The following AUTS2 variants were observed in gnomAD, a reference collection of about 807,000 sequenced individuals.
AUTS2 encodes the protein autism susceptibility gene 2 protein.
In AUTS2, 17 loss-of-function variants were observed where a neutral mutation model predicts 112.4. The ratio of observed to expected loss-of-function variants is 0.15; its 90% CI spans 0.10 to 0.23. The LOEUF (loss-of-function observed/expected upper bound fraction) is 0.23. Ranked by LOEUF, AUTS2 falls within the 10% of genes least tolerant of loss-of-function variation. The probability of loss-of-function intolerance (pLI) is 1.00; values close to 1 mark genes in which losing one functional copy is unlikely to be tolerated. For missense variants in AUTS2, 1,510 were observed against 1,701.6 expected, an observed-to-expected ratio of 0.89 and a Z score of 1.98; for synonymous variants, 751 against 702.7, an observed-to-expected ratio of 1.07 and a Z score of -1.09.
In AUTS2 at chr7:70,246,471, G is replaced by T. The variant is rs528091980; in HGVS notation, c.660+111900G>T. Among the ~76,000 whole-genome samples the T allele has an allele frequency of 1.2e-4, 19 of 152,176 alleles. No individual in the cohort carries two copies. In the South Asian group the frequency reaches 3.7e-3, roughly 30 times the overall value. ...ATTTTAAAAGTTTCTTCATCTCTCA[G>T]TGATCTGATGGACCAACTGTCATAA... On this transcript the variant is annotated intron_variant, in intron 4 of 18. Transcript: ENST00000342771.
chr7:69,854,101 A>G (rs1391254661), intron 1 of AUTS2, among the ~76,000 whole-genome samples: 1 of 152,098 alleles, frequency 6.6e-6, no homozygotes, highest in Non-Finnish European at 1.5e-5. Context: ...ATTTTACTCA[A>G]ACTTATGCTT....
Position 69,818,889 on chromosome 7 carries a change from T to G in AUTS2, c.310-80397T>G, listed in dbSNP as rs1790871583. On this transcript the variant is annotated intron_variant, in intron 1 of 18. Transcript: ENST00000342771. ...ATAAGATATTTATCGCCTCATGGGC[T>G]CTCTGTTTGGGGGTTACCACTTCAG... 2.0e-5 allele frequency among the ~76,000 whole-genome samples: 3 copies of G among 152,234 alleles called. No homozygotes were observed. In the South Asian group the frequency reaches 6.2e-4, roughly 31 times the overall value.
intron 1 of AUTS2, among the ~76,000 whole-genome samples, chr7:69,774,882 A>G (rs1024639930): frequency 5.5e-4 from 83 of 152,242 alleles, no homozygotes; most frequent in African/African-American, 2.0e-3. Context: ...GGAACTCCTG[A>G]TATCTCCAGA....
intron 1 of AUTS2, among the ~76,000 whole-genome samples, chr7:69,865,724 T>A (rs927146777): frequency 1.3e-5 from 2 of 152,224 alleles, no homozygotes; most frequent in Admixed American, 6.5e-5. Context: ...CCTATTTTGC[T>A]GTCTCTTCGA....
intron 1 of AUTS2, among the ~76,000 whole-genome samples, chr7:69,785,022 T>C (rs114395018): frequency 2.0e-5 from 3 of 151,722 alleles, no homozygotes; most frequent in Non-Finnish European, 4.4e-5. Context: ...TGATAAATAC[T>C]ATGAAAGGAA....
chr7:69,780,214 G>T (rs1789087797), intron 1 of AUTS2, among the ~76,000 whole-genome samples: 1 of 152,192 alleles, frequency 6.6e-6, no homozygotes, highest in East Asian at 1.9e-4. Context: ...GATTTTAGTT[G>T]CTATTAAATT....
chr7:70,457,854 T>C lies in AUTS2; in HGVS notation c.690+22073T>C, dbSNP rs118032574. 3.2e-4 allele frequency among the ~76,000 whole-genome samples: 49 copies of C among 152,350 alleles called. No individual in the cohort carries two copies. In the East Asian group the frequency reaches 8.3e-3, roughly 26 times the overall value. Reference sequence around the variant, plus strand: ...CCCTTCAGAATCTTCTGAGCCGTTTTGTTGAACAGTGCTTTTTTGTTACTT... The same window carrying C: ...CCCTTCAGAATCTTCTGAGCCGTTTCGTTGAACAGTGCTTTTTTGTTACTT... On this transcript the variant is annotated intron_variant, in intron 5 of 18. Coordinates refer to ENST00000342771, the MANE Select transcript of AUTS2 (RefSeq NM_015570.4).
chr7:70,369,037 C>T (rs1792718495), intron 4 of AUTS2, among the ~76,000 whole-genome samples: 1 of 152,260 alleles, frequency 6.6e-6, no homozygotes, highest in African/African-American at 2.4e-5. Flanking sequence ...TTTCTTAGTT[C>T]AGCTTAAAAT....
chr7:70,458,068 T>G (rs1445346424), intron 5 of AUTS2, among the ~76,000 whole-genome samples: 1 of 152,076 alleles, frequency 6.6e-6, no homozygotes, highest in African/African-American at 2.4e-5. Context: ...GGGTGTTACT[T>G]AGTAAACATG....
intron 1 of AUTS2, among the ~76,000 whole-genome samples, chr7:69,600,796 CTAGCTGCTATCTGAA>C: frequency 6.6e-6 from 1 of 152,062 alleles, no homozygotes; most frequent in East Asian, 1.9e-4. Context: ...GAATAAAATC[CTAGCTGCTATCTGAA>C]GGGCTTGTCA....
chr7:70,725,530 G>A (rs1331227999), intron 6 of AUTS2, among the ~76,000 whole-genome samples: 1 of 152,206 alleles, frequency 6.6e-6, no homozygotes, highest in African/African-American at 2.4e-5. Context: ...TTTTGCAACT[G>A]CCTAAGGATT....
chr7:69,771,517 AC>A (rs1788661578), intron 1 of AUTS2, among the ~76,000 whole-genome samples: 1 of 152,172 alleles, frequency 6.6e-6, no homozygotes, highest in Non-Finnish European at 1.5e-5. Flanking sequence ...CAGCGTGGAA[AC>A]CTGCAGCAGT....
chr7:69,844,754 T>C (rs1415993028), intron 1 of AUTS2, among the ~76,000 whole-genome samples: 1 of 152,168 alleles, frequency 6.6e-6, no homozygotes, highest in Non-Finnish European at 1.5e-5. Context: ...TTTGAATTCC[T>C]TTAGTTTTAT....
At chr7:70,706,362 C>G (rs6961699) in intron 6 of AUTS2, among the ~76,000 whole-genome samples, 118,717 of 152,138 alleles carry the variant, frequency 0.78, 46,463 homozygotes, top group East Asian at 0.94. Flanking sequence ...ATTGGCCAGA[C>G]AAAGTCACAT....
chr7:69,783,877 G>A (rs1011065196), intron 1 of AUTS2, among the ~76,000 whole-genome samples: 3 of 152,168 alleles, frequency 2.0e-5, no homozygotes, highest in African/African-American at 7.2e-5. Flanking sequence ...GTCTCTTAAA[G>A]CCAATTTATA....
At chr7:69,712,676 A>G (rs955676904) in intron 1 of AUTS2, among the ~76,000 whole-genome samples, 2 of 152,196 alleles carry the variant, frequency 1.3e-5, no homozygotes, top group Non-Finnish European at 2.9e-5. Flanking sequence ...TAAAGCTGCT[A>G]TGAATACTAG....
chr7:70,748,567 C>A (rs1157951843), intron 6 of AUTS2, among the ~76,000 whole-genome samples: 2 of 152,160 alleles, frequency 1.3e-5, no homozygotes, highest in East Asian at 1.9e-4. Context: ...TAGCACTTAT[C>A]AAAATTTCTG....
intron 1 of AUTS2, among the ~76,000 whole-genome samples, chr7:69,848,578 G>A (rs1157632918): frequency 6.6e-6 from 1 of 152,158 alleles, no homozygotes; most frequent in Non-Finnish European, 1.5e-5. Context: ...GGGAACACCT[G>A]TAACCAAAGC....
At chr7:69,768,167 A>G (rs1237339694) in intron 1 of AUTS2, among the ~76,000 whole-genome samples, 1 of 152,218 alleles carries the variant, frequency 6.6e-6, no homozygotes, top group Non-Finnish European at 1.5e-5. Context: ...AGTGGAATTA[A>G]TAGTTTTAAT....
Sources: gnomAD v4.1 joint callset for allele counts (sites outside exome capture counted in the v4.1 genomes callset) on GRCh38, gnomAD v4.1.1 for gene constraint, MANE v1.5 for transcripts, NCBI Gene and HGNC (gene_info 2026-07-23, HGNC 2026-07-21) for gene names.